XPR1: variants seen among roughly 807,000 people sequenced by gnomAD.
The protein encoded by XPR1 is xenotropic and polytropic retrovirus receptor 1.
Under a neutral mutation model 87.5 loss-of-function variants are expected in XPR1, and 28 were observed. The ratio of observed to expected loss-of-function variants is 0.32; its 90% confidence interval spans 0.24 to 0.44. XPR1 has a LOEUF of 0.44. XPR1 is among the 20% of genes least tolerant of loss of function. The probability of loss-of-function intolerance (pLI) is 1.00; values close to 1 mark genes in which losing one functional copy is unlikely to be tolerated. For missense variants in XPR1, 559 were observed against 862.3 expected (o/e 0.65, Z 4.41); for synonymous variants, 300 against 306.1 (o/e 0.98, Z 0.21).
intron 11 of XPR1, among the ~76,000 whole-genome samples, chr1:180,841,289 C>T (rs770468062): frequency 1.3e-4 from 19 of 151,704 alleles, no homozygotes; most frequent in Non-Finnish European, 1.9e-4. Context: ...TTCTAGTTAC[C>T]CTGTTATGTG....
intron 6 of XPR1, among the ~76,000 whole-genome samples, chr1:180,809,304 A>G (rs914395798): frequency 5.3e-5 from 8 of 152,152 alleles, no homozygotes; most frequent in African/African-American, 1.9e-4. Context: ...CACATGGGAA[A>G]TTCTTGGGAG....
rs370162230 is a variant in XPR1, at chr1:180,788,822, A to G, written c.223+968A>G. Among the ~76,000 whole-genome samples the G allele has an allele frequency of 7.2e-5, 11 of 152,354 alleles. No individual in the cohort carries two copies. In the East Asian group the frequency reaches 1.2e-3, roughly 16 times the overall value. ...ATACCATAATCTTATAACTAGCACA[A>G]TCATAAACCAGGTATTAGTGTGAAT... On this transcript the variant is annotated intron_variant, in intron 3 of 14. Coordinates refer to ENST00000367590, the MANE Select transcript of XPR1 (RefSeq NM_004736.4).
rs554720500 is a variant in XPR1 at position 180,889,749 on chromosome 1, G to A, written c.*5683G>A. Reference sequence around the variant, plus strand: ...AGAGTATTTAGGAGGGGAATAGGGGGAAAATTGTATTTTTCTGTTCAAACT... The same window carrying A: ...AGAGTATTTAGGAGGGGAATAGGGGAAAAATTGTATTTTTCTGTTCAAACT... On this transcript the variant is annotated 3_prime_UTR_variant, in exon 15 of 15. Coordinates refer to ENST00000367590, the MANE Select transcript of XPR1 (RefSeq NM_004736.4). 6.6e-6 allele frequency: 1 copy of A among 152,284 alleles called. No individual in the cohort carries two copies. The highest frequency in any genetic ancestry group is 1.5e-5 in the Non-Finnish European group (1 of 68,030). The allele number at this position is 152,284 out of a possible 1,614,324, so 9.4% of individuals were successfully genotyped here. A position where few individuals can be genotyped will look rare whatever the true frequency, so the allele number is the denominator to read the frequency against.
chr1:180,746,942 A>T (rs1033915010), intron 2 of XPR1, among the ~76,000 whole-genome samples: 1 of 152,124 alleles, frequency 6.6e-6, no homozygotes, highest in African/African-American at 2.4e-5. Context: ...TTTAAAATAT[A>T]TTTATTTTGT....
chr1:180,836,534 G>A lies in XPR1; in HGVS notation c.1319G>A (p.Cys440Tyr). 6.2e-7 allele frequency: 1 copy of A among 1,613,760 alleles called. No homozygotes were observed. Among genetic ancestry groups the A allele is most frequent in the Non-Finnish European group, 8.5e-7 (1 of 1,179,956 alleles). Residue 440 changes from cysteine (C) to tyrosine (Y), a missense_variant, in exon 11 of 15, where the codon TGC becomes TAC. By Grantham distance (194) the Cys-to-Tyr change is radical. Around this residue, in one of 7 missense-constraint regions of XPR1, gnomAD observed 264 missense variants for 377.2 expected, o/e 0.70. Coordinates refer to ENST00000367590, the MANE Select transcript of XPR1 (RefSeq NM_004736.4). Reference sequence around the variant, plus strand: ...GAAATCTTCACAGAATCAGGAATTTGCCACAAATATACATATGGTGTGCGG... The same window carrying A: ...GAAATCTTCACAGAATCAGGAATTTACCACAAATATACATATGGTGTGCGG... ...LPNNSEESGI[C>Y]HKYTYGVRAI...
intron 1 of XPR1, among the ~76,000 whole-genome samples, chr1:180,659,173 G>T (rs1655650639): frequency 9.2e-6 from 1 of 108,680 alleles, no homozygotes; most frequent in Admixed American, 1.2e-4. Flanking sequence ...TGTTCACTAG[G>T]GATATTGGCC....
At chr1:180,821,394 A>G (rs1393600630) in intron 7 of XPR1, among the ~76,000 whole-genome samples, 8 of 152,214 alleles carry the variant, frequency 5.3e-5, no homozygotes, top group African/African-American at 7.2e-5. Context: ...TCTCAGTGCT[A>G]TTCCATTCAT....
At chr1:180,758,974 G>A (rs1228996367) in intron 2 of XPR1, among the ~76,000 whole-genome samples, 1 of 152,108 alleles carries the variant, frequency 6.6e-6, no homozygotes, top group African/African-American at 2.4e-5. Context: ...ACTCAAAACT[G>A]CTCAACTACA....
intron 7 of XPR1, among the ~76,000 whole-genome samples, chr1:180,812,825 T>A (rs900424435): frequency 6.6e-6 from 1 of 152,058 alleles, no homozygotes; most frequent in African/African-American, 2.4e-5. Context: ...ATTTTTTGTA[T>A]TTTTAGTAGA....
intron 1 of XPR1, among the ~76,000 whole-genome samples, chr1:180,637,502 T>G (rs548403347): frequency 3.3e-5 from 5 of 152,258 alleles, no homozygotes; most frequent in Admixed American, 6.5e-5. Flanking sequence ...ACAATAACAC[T>G]TTAGTAGACT....
At chr1:180,721,505 C>G (rs557698136) in intron 2 of XPR1, among the ~76,000 whole-genome samples, 52 of 152,178 alleles carry the variant, frequency 3.4e-4, no homozygotes, top group African/African-American at 1.3e-3. Context: ...GGATTTGAGC[C>G]AGGATTGAAA....
At chr1:180,681,514 C>T (rs558247883) in intron 1 of XPR1, among the ~76,000 whole-genome samples, 8 of 151,976 alleles carry the variant, frequency 5.3e-5, no homozygotes, top group Admixed American at 2.0e-4. Context: ...AGCGTGGTGG[C>T]GGGCGCCTGT....
At chr1:180,751,931 A>G (rs1647549632) in intron 2 of XPR1, among the ~76,000 whole-genome samples, 1 of 152,168 alleles carries the variant, frequency 6.6e-6, no homozygotes, top group Non-Finnish European at 1.5e-5. Flanking sequence ...GGAGAAAGGA[A>G]GAATTAATGT....
Position 180,682,370 on chromosome 1 carries a change from A to G in XPR1, c.80A>G (p.Asp27Gly). The G allele has an allele frequency of 6.2e-7, 1 of 1,602,158 alleles. No individual in the cohort carries two copies. The change falls in exon 2 of 15, where the codon GAT (aspartate) becomes GGT (glycine). Residue 27 changes from aspartate to glycine, a missense_variant. Coordinates refer to ENST00000367590, the MANE Select transcript of XPR1 (RefSeq NM_004736.4). ...CTTTCTTTCTAATAGGCTTTCAAGG[A>G]TATGCTGTATTCAGCTCAGGACCAG... ...KQYIQYEAFK[D>G]MLYSAQDQAP...
chr1:180,874,495 A>G (rs12085097), intron 13 of XPR1, among the ~76,000 whole-genome samples: 111,051 of 151,680 alleles, frequency 0.73, 41,068 homozygotes, highest in African/African-American at 0.79. Flanking sequence ...TTCAAGACCA[A>G]CCTGGCCAAC....
chr1:180,655,254 T>G (rs1459474120), intron 1 of XPR1, among the ~76,000 whole-genome samples: 1 of 152,180 alleles, frequency 6.6e-6, no homozygotes, highest in East Asian at 1.9e-4. Context: ...TTTGTCCATT[T>G]TCGAATTGGA....
At chr1:180,664,454 T>TG (rs941159342) in intron 1 of XPR1, among the ~76,000 whole-genome samples, 1 of 152,160 alleles carries the variant, frequency 6.6e-6, no homozygotes, top group Non-Finnish European at 1.5e-5. Flanking sequence ...GGGCCTGGAA[T>TG]GGGGGGCCTC....
chr1:180,887,456 A>G lies in XPR1; in HGVS notation c.*3390A>G, dbSNP rs1292732103. On this transcript the variant is annotated 3_prime_UTR_variant, in exon 15 of 15. Coordinates refer to ENST00000367590, the MANE Select transcript of XPR1 (RefSeq NM_004736.4). ...ACTGTCTATGCACAAATGAGTGCCTATATTTAAGGCTGCCTATACCATTAC... is the reference window on the plus strand; with the variant it reads ...ACTGTCTATGCACAAATGAGTGCCTGTATTTAAGGCTGCCTATACCATTAC... 1 of 152,238 alleles carries G rather than the reference A, an allele frequency of 6.6e-6. No homozygotes were observed. Among genetic ancestry groups the G allele is most frequent in the Non-Finnish European group, 1.5e-5 (1 of 68,034 alleles). 9.4% of individuals were successfully genotyped at this position (152,238 alleles called of 1,614,324 possible).
intron 2 of XPR1, among the ~76,000 whole-genome samples, chr1:180,732,746 G>A (rs925785568): frequency 1.3e-5 from 2 of 152,194 alleles, no homozygotes; most frequent in Non-Finnish European, 1.5e-5. Flanking sequence ...GTCTATAGGC[G>A]GCTTGTGTTA....
Sources: gnomAD v4.1 joint callset for allele counts (sites outside exome capture counted in the v4.1 genomes callset) on GRCh38, gnomAD v4.1.1 for gene constraint, gnomAD v4.1.1 regional missense constraint, MANE v1.5 for transcripts, NCBI Gene and HGNC (gene_info 2026-07-23, HGNC 2026-07-21) for gene names.